Variants in CELF2 observed in about 807,000 individuals in gnomAD.
CELF2 encodes the protein CUG triplet repeat RNA-binding protein 2.
CELF2 carries 8 observed loss-of-function variants against 62.6 expected under a neutral mutation model. The ratio of observed to expected loss-of-function variants is 0.13; its 90% CI spans 0.07 to 0.23. The LOEUF is 0.23. Ranked by LOEUF, CELF2 falls within the 10% of genes least tolerant of loss-of-function variation. The pLI, the probability that CELF2 is intolerant of heterozygous loss-of-function variation, is 1.00. For missense variants in CELF2, 333 were observed against 671.0 expected, an observed-to-expected ratio of 0.50 and a Z score of 5.56; for synonymous variants, 258 against 250.0, an observed-to-expected ratio of 1.03 and a Z score of -0.30.
At position 11,125,496 on chromosome 10, in the gene CELF2, C is replaced by T. The variant is rs575668492; in HGVS notation, c.75-39990C>T. 2.6e-5 allele frequency among the ~76,000 whole-genome samples: 4 copies of T among 151,876 alleles called. 1 individual carries two copies. The South Asian group carries it at 8.3e-4, about 32-fold the overall frequency. On this transcript the variant is annotated intron_variant, in intron 1 of 12. Coordinates refer to ENST00000633077, the MANE Select transcript of CELF2 (RefSeq NM_001326342.2). ...GCAACCAGTGGCTCAGAGAGGAGAGCTCAACCGTAACAACTAAATTTTGAA... is the reference window on the plus strand; with the variant it reads ...GCAACCAGTGGCTCAGAGAGGAGAGTTCAACCGTAACAACTAAATTTTGAA...
At chr10:11,014,663 G>A (rs1359001142), upstream of CELF2, among the ~76,000 whole-genome samples, 1 of 151,964 alleles carries the variant, frequency 6.6e-6, no homozygotes, top group Non-Finnish European at 1.5e-5. Flanking sequence ...AGTGCTCAAT[G>A]ACCTGTGGAC....
intron 2 of CELF2, among the ~76,000 whole-genome samples, chr10:11,200,997 CTCA>C (rs1480791454): frequency 6.6e-6 from 1 of 152,194 alleles, no homozygotes; most frequent in Non-Finnish European, 1.5e-5. Context: ...AAAAGGTGTT[CTCA>C]TCAAGAAAGT....
the CELF2 span, among the ~76,000 whole-genome samples, chr10:10,695,551 C>A: frequency 7.3e-5 from 11 of 150,958 alleles, no homozygotes; most frequent in South Asian, 1.5e-3. Context: ...TGAACGTTGG[C>A]CTGCCTTGCT....
At chr10:11,068,077 C>G (rs1229174192) in intron 1 of CELF2, among the ~76,000 whole-genome samples, 1 of 152,202 alleles carries the variant, frequency 6.6e-6, no homozygotes, top group African/African-American at 2.4e-5. Context: ...ACAGTTATTT[C>G]ACATAGTGTG....
rs2075166053 is a variant in CELF2 at position 11,244,941 on chromosome 10, GCTCTTACCACGT to G, written c.355-4205_355-4194del. Among the ~76,000 whole-genome samples the G allele has an allele frequency of 6.6e-6, 1 of 152,138 alleles. No homozygotes were observed. The highest frequency in any genetic ancestry group is 2.4e-5 in the African/African-American group (1 of 41,430). ...CTCTTCTCTGAGTTCGCACCGTACA[GCTCTTACCACGT>G]CTCTTATCACGCTGTGGGAAATGCT... On this transcript the variant is annotated intron_variant, in intron 3 of 12. Coordinates refer to ENST00000633077, the MANE Select transcript of CELF2 (RefSeq NM_001326342.2). This position sits in a 1 kb window ranked among gnomAD's most constrained non-coding sequence, Gnocchi z 4.2.
chr10:10,680,625 G>A, the CELF2 span, among the ~76,000 whole-genome samples: 3 of 152,188 alleles, frequency 2.0e-5, no homozygotes, highest in Non-Finnish European at 4.4e-5. Context: ...TTTGTCTCCA[G>A]CTTCACCAAA....
chr10:11,024,676 CTG>C (rs779878193), intron 1 of CELF2, among the ~76,000 whole-genome samples: 54 of 152,276 alleles, frequency 3.5e-4, no homozygotes, highest in Admixed American at 6.5e-4. Flanking sequence ...CTCAGTGAGA[CTG>C]TATGCAGTGC....
At chr10:11,170,299 C>T (rs1008478485) in intron 2 of CELF2, among the ~76,000 whole-genome samples, 3 of 152,142 alleles carry the variant, frequency 2.0e-5, no homozygotes, top group Admixed American at 6.5e-5. Context: ...GGAGACACTT[C>T]GTACAAGCGC....
At chr10:11,298,659 TACTC>T (rs138092078) in intron 9 of CELF2, among the ~76,000 whole-genome samples, 5,896 of 152,300 alleles carry the variant, frequency 0.039, 122 homozygotes, top group African/African-American at 0.055. Flanking sequence ...TAATTGCTAA[TACTC>T]ACTTTTCTTG....
At chr10:10,583,627 T>C in the CELF2 span, among the ~76,000 whole-genome samples, 5 of 152,186 alleles carry the variant, frequency 3.3e-5, no homozygotes, top group South Asian at 4.1e-4. Flanking sequence ...TTCTTTCCTC[T>C]CACACCCAAG....
In CELF2 at chr10:10,866,444, A is replaced by G. The variant is rs373487577; in HGVS notation, c.54-53520A>G. On this transcript the variant is annotated intron_variant, in intron 1 of 13. Coordinates refer to the CELF2 transcript ENST00000636488. Reference sequence around the variant, plus strand: ...AACATGGTAAAACCCATCTCTATTAAAAATACAAAAATTAGCCAGGCATGG... The same window carrying G: ...AACATGGTAAAACCCATCTCTATTAGAAATACAAAAATTAGCCAGGCATGG... Among the ~76,000 whole-genome samples the G allele has an allele frequency of 4.0e-5, 6 of 151,886 alleles. No individual in the cohort carries two copies. In the South Asian group the frequency reaches 8.4e-4, roughly 21 times the overall value.
At chr10:10,955,477 C>T (rs1214284708) in intron 2 of CELF2, among the ~76,000 whole-genome samples, 1 of 152,082 alleles carries the variant, frequency 6.6e-6, no homozygotes, top group Non-Finnish European at 1.5e-5. Context: ...TGAGTGAGCC[C>T]GAAACACAGT....
the CELF2 span, among the ~76,000 whole-genome samples, chr10:10,569,336 A>T: frequency 6.6e-6 from 1 of 152,160 alleles, no homozygotes; most frequent in Non-Finnish European, 1.5e-5. Context: ...GAAAATGAGA[A>T]CCAAGAGAAA....
At chr10:10,919,050 C>A (rs1270767749) in intron 1 of CELF2, among the ~76,000 whole-genome samples, 1 of 152,092 alleles carries the variant, frequency 6.6e-6, no homozygotes, top group Non-Finnish European at 1.5e-5. Context: ...GCAGGCAGAT[C>A]ACTTGAGGTC....
At chr10:10,505,099 T>C in the CELF2 span, among the ~76,000 whole-genome samples, 1 of 152,170 alleles carries the variant, frequency 6.6e-6, no homozygotes, top group Admixed American at 6.5e-5. Flanking sequence ...GATGACTGGT[T>C]TTTTAAATTA....
chr10:11,287,386 G>A (rs1218789612), intron 8 of CELF2, among the ~76,000 whole-genome samples: 1 of 152,160 alleles, frequency 6.6e-6, no homozygotes, highest in Non-Finnish European at 1.5e-5. Flanking sequence ...CGGGCTACAG[G>A]GAGAAAAGAT....
chr10:10,769,307 G>A, the CELF2 span, among the ~76,000 whole-genome samples: 1 of 152,128 alleles, frequency 6.6e-6, no homozygotes, highest in Non-Finnish European at 1.5e-5. Context: ...TGAATGATGG[G>A]AAAGGCCTTC....
At chr10:10,740,153 C>CTTTTTTTTTT in the CELF2 span, among the ~76,000 whole-genome samples, 3 of 94,488 alleles carry the variant, frequency 3.2e-5, no homozygotes, top group African/African-American at 4.5e-5. Flanking sequence ...GTTGCCTGTG[C>CTTTTTTTTTT]TTTTTTTTTT....
At chr10:10,631,771 G>A in the CELF2 span, among the ~76,000 whole-genome samples, 1 of 152,036 alleles carries the variant, frequency 6.6e-6, no homozygotes, top group Non-Finnish European at 1.5e-5. Context: ...TACTCACAAT[G>A]GAAAAATAAG....
Sources: gnomAD v4.1 joint callset for allele counts (sites outside exome capture counted in the v4.1 genomes callset) on GRCh38, gnomAD v4.1.1 for gene constraint, Gnocchi (gnomAD v3.1) non-coding constraint, MANE v1.5 for transcripts, NCBI Gene and HGNC (gene_info 2026-07-23, HGNC 2026-07-21) for gene names.